PPP4R4: variants seen among roughly 807,000 people sequenced by gnomAD.
The protein encoded by PPP4R4 is protein phosphatase 4 regulatory subunit 4.
PPP4R4 carries 70 observed loss-of-function variants against 121.8 expected under a neutral mutation model. The ratio of observed to expected loss-of-function variants is 0.57; its 90% CI spans 0.47 to 0.70. The LOEUF is 0.70. Ranked by LOEUF, PPP4R4 falls within the 30% of genes least tolerant of loss-of-function variation. The pLI is 0.00. For synonymous variants in PPP4R4, 348 were observed against 355.7 expected (o/e 0.98, Z 0.24); for missense variants, 875 against 1,033.6 (o/e 0.85, Z 2.10).
intron 2 of PPP4R4, among the ~76,000 whole-genome samples, chr14:94,198,521 A>G (rs1423087931): frequency 1.3e-5 from 2 of 152,176 alleles, no homozygotes; most frequent in Non-Finnish European, 2.9e-5. Flanking sequence ...AAACATTTTT[A>G]ATTGTGATGA....
At chr14:94,240,820 A>G (rs1359259868) in intron 9 of PPP4R4, 25 bp downstream of exon 9, 7 of 1,478,788 alleles carry the variant, frequency 4.7e-6, no homozygotes, top group Non-Finnish European at 6.3e-6. Flanking sequence ...AAGAATTTTG[A>G]GACTGTAGAT....
intron 2 of PPP4R4, among the ~76,000 whole-genome samples, chr14:94,202,840 G>A (rs758076641): frequency 1.1e-4 from 17 of 151,866 alleles, no homozygotes; most frequent in Non-Finnish European, 2.4e-4. Context: ...AATATTGGCC[G>A]GGCGTGGTGG....
At chr14:94,273,053 G>A (rs1894425453) in intron 23 of PPP4R4, among the ~76,000 whole-genome samples, 1 of 152,234 alleles carries the variant, frequency 6.6e-6, no homozygotes, top group Non-Finnish European at 1.5e-5. Flanking sequence ...ATACAAAATG[G>A]TACAGCCACT....
intron 6 of PPP4R4, 130 bp downstream of exon 6, chr14:94,233,889 A>T (rs1892188785): frequency 3.1e-6 from 2 of 648,040 alleles, no homozygotes; most frequent in South Asian, 4.1e-5. Context: ...TTTTAACTTT[A>T]TGGAATTCTC....
chr14:94,257,642 T>TAC (rs57997995), intron 17 of PPP4R4, among the ~76,000 whole-genome samples: 61,974 of 146,762 alleles, frequency 0.42, 14,857 homozygotes, highest in Non-Finnish European at 0.58. Context: ...CATTTAAATC[T>TAC]ACACACACAC....
intron 2 of PPP4R4, among the ~76,000 whole-genome samples, chr14:94,208,128 T>A (rs143896563): frequency 1.3e-5 from 2 of 152,108 alleles, no homozygotes; most frequent in Non-Finnish European, 2.9e-5. Context: ...TATGGCAAAC[T>A]GGCAGGTCAC....
intron 3 of PPP4R4, among the ~76,000 whole-genome samples, chr14:94,210,789 C>T (rs1890702825): frequency 6.6e-6 from 1 of 152,106 alleles, no homozygotes; most frequent in African/African-American, 2.4e-5. Context: ...GGGGTAACTC[C>T]AGTAATAATG....
At chr14:94,191,718 G>A (rs1196453519) in intron 2 of PPP4R4, among the ~76,000 whole-genome samples, 1 of 152,064 alleles carries the variant, frequency 6.6e-6, no homozygotes, top group Admixed American at 6.6e-5. Flanking sequence ...TGAAACTTTC[G>A]TATACTGTTT....
Position 94,256,755 on chromosome 14 carries a change from T to C in PPP4R4, c.2010+151T>C. ...GAATTAGTAAATGATTTGGTTGATA[T>C]GTGCTACAACTGGATATGAAACTTT... On this transcript the variant is annotated intron_variant, in intron 17 of 24. Coordinates refer to ENST00000304338, the MANE Select transcript of PPP4R4 (RefSeq NM_058237.2). The C allele has an allele frequency of 3.2e-6, 3 of 932,012 alleles. No homozygotes were observed. The South Asian group carries it at 6.1e-5, about 19-fold the overall frequency. The allele number at this position is 932,012 out of a possible 1,614,324, so 57.7% of individuals were successfully genotyped here.
At position 94,266,957 on chromosome 14, in the gene PPP4R4, A is replaced by T. The variant is rs752947850; in HGVS notation, c.2379-2A>T. 50 of 1,557,858 alleles carry T rather than the reference A, an allele frequency of 3.2e-5. No individual in the cohort carries two copies. Among genetic ancestry groups the T allele is most frequent in the Non-Finnish European group, 4.2e-5 (48 of 1,135,414 alleles). ...TTTAAACTAAATCATGTTGTTTTCT[A>T]GTAAAAGTTCTACAACAGGATATAC... On this transcript the variant is annotated splice_acceptor_variant, in intron 22 of 24. Transcript: ENST00000304338. LOFTEE classifies it high-confidence loss of function.
Position 94,176,137 on chromosome 14 carries a change from A to G in PPP4R4, c.191+10A>G. On this transcript the variant is annotated intron_variant, in intron 2 of 24. Transcript: ENST00000304338. ...CTGTTTATCTGCTCAGGTATTTCCTAGTCTTTCTGTGAAATTGCTCTTCTT... is the reference window on the plus strand; with the variant it reads ...CTGTTTATCTGCTCAGGTATTTCCTGGTCTTTCTGTGAAATTGCTCTTCTT... The G allele has an allele frequency of 6.3e-7, 1 of 1,595,860 alleles. No homozygotes were observed. Among genetic ancestry groups the G allele is most frequent in the Non-Finnish European group, 8.6e-7 (1 of 1,163,372 alleles).
Position 94,191,613 on chromosome 14 carries a change from T to C in PPP4R4, c.191+15486T>C, listed in dbSNP as rs368680638. Among the ~76,000 whole-genome samples, 16 of 152,292 alleles carry C rather than the reference T, an allele frequency of 1.1e-4. No individual in the cohort carries two copies. In the South Asian group the frequency reaches 3.3e-3, roughly 32 times the overall value. ...AACTTATTCCTCCTATCTTGCTGTATAAATTGTTGAAGAGCCACTCAAAAG... is the reference window on the plus strand; with the variant it reads ...AACTTATTCCTCCTATCTTGCTGTACAAATTGTTGAAGAGCCACTCAAAAG... On this transcript the variant is annotated intron_variant, in intron 2 of 24. Transcript: ENST00000304338.
intron 24 of PPP4R4, 69 bp from the exon 25 acceptor site, chr14:94,278,550 C>T: frequency 3.9e-6 from 4 of 1,014,902 alleles, no homozygotes; most frequent in Admixed American, 2.5e-5. Context: ...ATATTTTTTT[C>T]TTTTTCTCCC....
chr14:94,237,761 A>C (rs186507443), intron 8 of PPP4R4, 75 bp downstream of exon 8: 2 of 1,502,134 alleles, frequency 1.3e-6, no homozygotes, highest in East Asian at 4.6e-5. Context: ...ATAAGGAATA[A>C]AAGTAGATTT....
At chr14:94,228,041 T>G (rs926631853) in intron 3 of PPP4R4, among the ~76,000 whole-genome samples, 1 of 152,212 alleles carries the variant, frequency 6.6e-6, no homozygotes, top group East Asian at 1.9e-4. Flanking sequence ...CCAAGAACTC[T>G]CATGATATGT....
In PPP4R4 at chr14:94,278,755, T is replaced by G. The variant is rs150075732; in HGVS notation, c.*112T>G. 4.7e-3 allele frequency: 5,197 copies of G among 1,112,840 alleles called. 348 individuals carry two copies. In the Admixed American group the frequency reaches 0.11, roughly 24 times the overall value. The allele number at this position is 1,112,840 out of a possible 1,614,324, so 68.9% of individuals were successfully genotyped here. A position where few individuals can be genotyped will look rare whatever the true frequency, so the allele number is the denominator to read the frequency against. ...TGTTTTTAAATTTTGGGTTTTTTTT[T>G]TTGTTGTTGTTAATGAGCAGAAAGA... On this transcript the variant is annotated 3_prime_UTR_variant, in exon 25 of 25. Coordinates refer to ENST00000304338, the MANE Select transcript of PPP4R4 (RefSeq NM_058237.2).
At chr14:94,232,565 G>A (rs10137836) in intron 5 of PPP4R4, among the ~76,000 whole-genome samples, 1,969 of 152,116 alleles carry the variant, frequency 0.013, 42 homozygotes, top group African/African-American at 0.045. Context: ...TTTAACATGT[G>A]GTTTCAAAGA....
chr14:94,232,829 C>T (rs886462306), intron 5 of PPP4R4, among the ~76,000 whole-genome samples: 2 of 152,074 alleles, frequency 1.3e-5, no homozygotes, highest in African/African-American at 2.4e-5. Flanking sequence ...GAGGCTGAGG[C>T]GGGCGGATCA....
At chr14:94,254,322 G>A (rs1022442489) in intron 16 of PPP4R4, among the ~76,000 whole-genome samples, 4 of 152,180 alleles carry the variant, frequency 2.6e-5, no homozygotes, top group Non-Finnish European at 5.9e-5. Context: ...AATTCACCAA[G>A]TTTAGACAAT....
Sources: allele counts gnomAD v4.1 joint callset (sites outside exome capture counted in the v4.1 genomes callset), GRCh38; gene constraint gnomAD v4.1.1; transcripts MANE v1.5; gene names NCBI Gene and HGNC (gene_info 2026-07-23, HGNC 2026-07-21).